Variants in CD40 observed in about 807,000 individuals in gnomAD.
The protein encoded by CD40 is CD40 molecule, also known as tumor necrosis factor receptor superfamily member 5.
CD40 carries 19 observed loss-of-function variants against 38.5 expected under a neutral mutation model. That is an observed-to-expected ratio of 0.49 (90% confidence interval 0.34 to 0.72). The LOEUF (loss-of-function observed/expected upper bound fraction) is 0.72, where lower values mean the gene tolerates loss of function less well. CD40 is among the 30% of genes least tolerant of loss of function. The pLI is 0.01. For synonymous variants in CD40, 130 were observed against 128.7 expected (o/e 1.01, Z -0.07); for missense variants, 256 against 344.1 (o/e 0.74, Z 2.03).
At chr20:46,127,052 T>A in intron 6 of CD40, 1 of 374,994 alleles carries the variant, frequency 2.7e-6, no homozygotes, top group South Asian at 2.3e-5. Context: ...AGTTAATGGG[T>A]GCAGCACACC....
Position 46,122,844 on chromosome 20 carries a change from C to G in CD40, c.403+88C>G, listed in dbSNP as rs1236860761. ...GGGGCTGGGCAGTGGGCACTTAGCCCCAGAGGCAGAGGAAGCAGAGGCTCC... is the reference window on the plus strand; with the variant it reads ...GGGGCTGGGCAGTGGGCACTTAGCCGCAGAGGCAGAGGAAGCAGAGGCTCC... On this transcript the variant is annotated intron_variant, in intron 4 of 8. Transcript: ENST00000372285. The surrounding 1 kb of genome is among the most constrained non-coding windows in gnomAD (Gnocchi z 5.0). 6.5e-7 allele frequency: 1 copy of G among 1,541,690 alleles called. No homozygotes were observed. The highest frequency in any genetic ancestry group is 8.9e-7 in the Non-Finnish European group (1 of 1,126,612).
Position 46,121,807 on chromosome 20 carries a change from A to G in CD40, c.52-13A>G, listed in dbSNP as rs749720262. The stretch of plus-strand genomic sequence containing the variant: ...TTTCAAGATCCCTTCAAATTGCACA[A>G]TTCTGTTTTTAGGTCCATCCAGAAC... On this transcript the variant is annotated splice_polypyrimidine_tract_variant and intron_variant, in intron 1 of 8. Transcript: ENST00000372285. 3.1e-6 allele frequency: 5 copies of G among 1,606,980 alleles called. No homozygotes were observed. Among genetic ancestry groups the G allele is most frequent in the Non-Finnish European group, 3.4e-6 (4 of 1,173,558 alleles).
At position 46,123,358 on chromosome 20, in the gene CD40, TC is replaced by T. The variant is rs548680324; in HGVS notation, c.497+140del. On this transcript the variant is annotated intron_variant, in intron 5 of 8. Coordinates refer to ENST00000372285, the MANE Select transcript of CD40 (RefSeq NM_001250.6). ...CTTGTGAAGCATCTGCAGAGTGGCC[TC>T]ATGGCCAACCAGACAGGCACATTTC... The T allele has an allele frequency of 2.2e-4, 180 of 809,044 alleles. No homozygotes were observed. The South Asian group carries it at 2.4e-3, about 11-fold the overall frequency. The allele number at this position is 809,044 out of a possible 1,614,324, so 50.1% of individuals were successfully genotyped here.
At chr20:46,127,437 C>T (rs1474423619) in intron 6 of CD40, 1 of 156,650 alleles carries the variant, frequency 6.4e-6, no homozygotes, top group Non-Finnish European at 1.4e-5. Flanking sequence ...CTAATCCTGG[C>T]CCTGGTTCCA....
At chr20:46,127,881 G>T in intron 6 of CD40, 2 of 607,518 alleles carry the variant, frequency 3.3e-6, no homozygotes, top group Non-Finnish European at 5.5e-6. Context: ...CAGTTTGTAA[G>T]AGAAATCAGA....
At position 46,122,297 on chromosome 20, in the gene CD40, C is replaced by T. The variant is rs202208745; in HGVS notation, c.195C>T (p.Ser65=). ...TETECLPCGE[S]EFLDTWNRET... is the part of the protein sequence containing the mutation. ...CGGAATGCCTTCCTTGCGGTGAAAG[C>T]GAATTCCTAGACACCTGGAACAGAG... The change falls in exon 3 of 9, where the codon AGC becomes AGT. Residue 65 remains serine, a synonymous_variant. Transcript: ENST00000372285. The surrounding 1 kb of genome is among the most constrained non-coding windows in gnomAD (Gnocchi z 5.0). 8 of 1,614,006 alleles carry T rather than the reference C, an allele frequency of 5.0e-6. No homozygotes were observed. Among genetic ancestry groups the T allele is most frequent in the Middle Eastern group, 1.6e-4 (1 of 6,084 alleles).
chr20:46,127,426 C>T (rs979506480), intron 6 of CD40: 1 of 156,826 alleles, frequency 6.4e-6, no homozygotes, highest in Admixed American at 6.2e-5. Flanking sequence ...CTCACCTCAC[C>T]CTAATCCTGG....
At chr20:46,126,276 T>C (rs914326534) in intron 5 of CD40, among the ~76,000 whole-genome samples, 7 of 136,398 alleles carry the variant, frequency 5.1e-5, no homozygotes, top group African/African-American at 1.9e-4. Flanking sequence ...TGAGTAACCC[T>C]ATCTTAAGCT....
Position 46,128,901 on chromosome 20 carries a change from A to G in CD40, c.695A>G (p.Glu232Gly). Residue 232 changes from glutamate (E) to glycine (G), a missense_variant, in exon 9 of 9, where the codon GAA becomes GGA. Glu to Gly is a moderately conservative substitution (Grantham distance 98). Coordinates refer to ENST00000372285, the MANE Select transcript of CD40 (RefSeq NM_001250.6). Reference sequence around the variant, plus strand: ...CTCCAGGCCCCCCACCCCAAGCAGGAACCCCAGGAGATCAATTTTCCCGAC... The same window carrying G: ...CTCCAGGCCCCCCACCCCAAGCAGGGACCCCAGGAGATCAATTTTCCCGAC... The part of the protein sequence containing the change: ...PTNKAPHPKQ[E>G]PQEINFPDDL... The G allele has an allele frequency of 6.2e-7, 1 of 1,614,140 alleles. No homozygotes were observed. The highest frequency in any genetic ancestry group is 1.1e-5 in the South Asian group (1 of 91,078).
rs902636890 is a variant in CD40 at position 46,120,000 on chromosome 20, C to T, written c.51+1606C>T. On this transcript the variant is annotated intron_variant, in intron 1 of 8. Transcript: ENST00000372285. ...TATCTTTGGGAGTGTGGGAGCTCCACGTTCACAGGATGGTGTCTTGCAATG... is the reference window on the plus strand; with the variant it reads ...TATCTTTGGGAGTGTGGGAGCTCCATGTTCACAGGATGGTGTCTTGCAATG... 3.4e-4 allele frequency among the ~76,000 whole-genome samples: 52 copies of T among 152,112 alleles called. 1 individual carries two copies. The highest frequency in any genetic ancestry group is 1.1e-3 in the African/African-American group (44 of 41,422).
chr20:46,123,880 G>A (rs1391939640), intron 5 of CD40, among the ~76,000 whole-genome samples: 1 of 152,160 alleles, frequency 6.6e-6, no homozygotes, highest in Non-Finnish European at 1.5e-5. Flanking sequence ...CCTTAGCATG[G>A]CACCCAACCT....
chr20:46,122,040 C>G lies in CD40; in HGVS notation c.130+142C>G. 1 of 1,023,396 alleles carries G rather than the reference C, an allele frequency of 9.8e-7. No individual in the cohort carries two copies. The highest frequency in any genetic ancestry group is 1.5e-6 in the Non-Finnish European group (1 of 663,344). 63.4% of individuals were successfully genotyped at this position (1,023,396 alleles called of 1,614,324 possible). On this transcript the variant is annotated intron_variant, in intron 2 of 8. Coordinates refer to ENST00000372285, the MANE Select transcript of CD40 (RefSeq NM_001250.6). This position sits in a 1 kb window ranked among gnomAD's most constrained non-coding sequence, Gnocchi z 5.0. ...TTCACTGTCAGAATGTTCTGGTTCCCTCTCTACCAGGTAAAACTCTGTCTA... is the reference window on the plus strand; with the variant it reads ...TTCACTGTCAGAATGTTCTGGTTCCGTCTCTACCAGGTAAAACTCTGTCTA...
chr20:46,123,040 C>T (rs2085350739), intron 4 of CD40, 86 bp from the exon 5 acceptor site: 1 of 1,085,352 alleles, frequency 9.2e-7, no homozygotes. Flanking sequence ...GGAGCTCTTC[C>T]CGTCCTGCCT....
At chr20:46,118,710 G>A (rs910637019) in intron 1 of CD40, among the ~76,000 whole-genome samples, 13 of 152,326 alleles carry the variant, frequency 8.5e-5, no homozygotes, top group African/African-American at 3.1e-4. Flanking sequence ...GGGTTCAGAG[G>A]GCGGGAAGTG....
At chr20:46,128,303 C>CT (rs1568912329) in intron 7 of CD40, 27 bp from the exon 8 acceptor site, 1 of 1,354,494 alleles carries the variant, frequency 7.4e-7, no homozygotes, top group African/African-American at 1.6e-5. Context: ...AACTCCCCAT[C>CT]CTTTTTTTTT....
chr20:46,124,506 C>T (rs2085382968), intron 5 of CD40, among the ~76,000 whole-genome samples: 1 of 152,080 alleles, frequency 6.6e-6, no homozygotes, highest in Admixed American at 6.6e-5. Context: ...AACACACACA[C>T]ACACACACAC....
In CD40 at chr20:46,122,401, A is replaced by T; in HGVS notation, c.256+43A>T. 2 of 1,613,524 alleles carry T rather than the reference A, an allele frequency of 1.2e-6. No individual in the cohort carries two copies. The highest frequency in any genetic ancestry group is 1.7e-6 in the Non-Finnish European group (2 of 1,179,818). ...AAAGGGACGCTTGGGAACCGGGCTG[A>T]TATTCCCGACAATGCAGCCATTCTA... On this transcript the variant is annotated intron_variant, in intron 3 of 8. Transcript: ENST00000372285. This position sits in a 1 kb window ranked among gnomAD's most constrained non-coding sequence, Gnocchi z 5.0.
intron 6 of CD40, 153 bp from the exon 7 acceptor site, chr20:46,127,985 G>A (rs2085469379): frequency 6.8e-7 from 1 of 1,473,608 alleles, no homozygotes; most frequent in Non-Finnish European, 9.3e-7. Flanking sequence ...AAAGACATCT[G>A]CCAGCCACAT....
At chr20:46,121,949 G>A in intron 2 of CD40, 51 bp downstream of exon 2, 1 of 1,426,250 alleles carries the variant, frequency 7.0e-7, no homozygotes, top group Non-Finnish European at 9.9e-7. Flanking sequence ...TTGCTTTGGT[G>A]GCAGACGCAG....
Sources: allele counts gnomAD v4.1 joint callset (sites outside exome capture counted in the v4.1 genomes callset), GRCh38; gene constraint gnomAD v4.1.1; non-coding constraint Gnocchi (gnomAD v3.1); transcripts MANE v1.5; gene names NCBI Gene and HGNC (gene_info 2026-07-23, HGNC 2026-07-21).